The following NAV3 variants were observed in gnomAD, a reference collection of about 807,000 sequenced individuals.
NAV3 encodes the protein neuron navigator 3, also known as pore membrane and/or filament interacting like protein 1.
A neutral mutation model predicts 244.7 loss-of-function variants in NAV3; 87 were observed. That is an observed-to-expected ratio of 0.36 (90% confidence interval 0.30 to 0.42). NAV3 has a LOEUF of 0.42. NAV3 is among the 20% of genes least tolerant of loss of function. The pLI is 1.00. For missense variants in NAV3, 2,663 were observed against 2,893.3 expected (o/e 0.92, Z 1.83); for synonymous variants, 1,126 against 1,042.2 (o/e 1.08, Z -1.55).
chr12:77,615,255 A>G lies in NAV3; in HGVS notation c.72+42989A>G, dbSNP rs1322750562. Among the ~76,000 whole-genome samples the G allele has an allele frequency of 3.9e-5, 6 of 152,180 alleles. No individual in the cohort carries two copies. In the East Asian group the frequency reaches 1.2e-3, roughly 29 times the overall value. On this transcript the variant is annotated intron_variant, in intron 2 of 8. Transcript: ENST00000550042. ...TTTTAATGAAGTATTTATTTTATTTATTTATTTTTTTGGGTTCGGGAGTAC... is the reference window on the plus strand; with the variant it reads ...TTTTAATGAAGTATTTATTTTATTTGTTTATTTTTTTGGGTTCGGGAGTAC...
chr12:77,911,485 G>T (rs1473041369), intron 1 of NAV3, among the ~76,000 whole-genome samples: 1 of 152,006 alleles, frequency 6.6e-6, no homozygotes. Context: ...GGAGTATTTT[G>T]GTTTATTGTC....
chr12:77,994,933 T>G, intron 6 of NAV3, 62 bp downstream of exon 6: 1 of 1,234,536 alleles, frequency 8.1e-7, no homozygotes, highest in Non-Finnish European at 1.2e-6. Flanking sequence ...CCCAGTGATA[T>G]TTTGTCCTAT....
chr12:77,927,874 G>C (rs1276226046), intron 1 of NAV3, among the ~76,000 whole-genome samples: 1 of 152,088 alleles, frequency 6.6e-6, no homozygotes, highest in African/African-American at 2.4e-5. Flanking sequence ...TTGATTGACT[G>C]TCTGTATTGA....
intron 3 of NAV3, chr12:77,950,434 T>C (rs1890760867): frequency 6.6e-6 from 1 of 152,174 alleles, no homozygotes; most frequent in African/African-American, 2.4e-5. Context: ...TCTTTTCATA[T>C]GCTTATATGT....
chr12:77,967,361 C>G (rs1327173162), intron 4 of NAV3, among the ~76,000 whole-genome samples: 1 of 152,044 alleles, frequency 6.6e-6, no homozygotes, highest in African/African-American at 2.4e-5. Context: ...AAAATTAACA[C>G]TCTCTCACTG....
chr12:77,578,383 A>G (rs1315877746), intron 2 of NAV3, among the ~76,000 whole-genome samples: 1 of 152,120 alleles, frequency 6.6e-6, no homozygotes, highest in Non-Finnish European at 1.5e-5. Context: ...GTTACTCACC[A>G]TTGTGATGTG....
intron 5 of NAV3, among the ~76,000 whole-genome samples, chr12:77,981,385 A>G (rs1311100025): frequency 6.6e-6 from 1 of 152,142 alleles, no homozygotes; most frequent in African/African-American, 2.4e-5. Context: ...TTTATACTAA[A>G]GAAAGAATTT....
At chr12:78,008,868 A>G (rs1874717364) in intron 8 of NAV3, among the ~76,000 whole-genome samples, 1 of 152,190 alleles carries the variant, frequency 6.6e-6, no homozygotes, top group Non-Finnish European at 1.5e-5. Flanking sequence ...TCCCTGTTTG[A>G]CAAAGCAGAA....
chr12:78,028,708 T>G (rs763885811), intron 9 of NAV3, among the ~76,000 whole-genome samples: 2 of 152,216 alleles, frequency 1.3e-5, no homozygotes, highest in Admixed American at 1.3e-4. Flanking sequence ...TCTGTTGGTT[T>G]TGCAAACATT....
intron 12 of NAV3, among the ~76,000 whole-genome samples, chr12:78,096,897 T>C (rs1005042362): frequency 2.6e-5 from 4 of 152,310 alleles, no homozygotes; most frequent in Non-Finnish European, 4.4e-5. Context: ...CTCAGTGACC[T>C]CTCTCTGCCT....
Position 78,125,380 on chromosome 12 carries a change from A to C in NAV3, c.4239-1787A>C, listed in dbSNP as rs55796524. Among the ~76,000 whole-genome samples, 418 of 139,932 alleles carry C rather than the reference A, an allele frequency of 3.0e-3. 3 individuals carry two copies. Among genetic ancestry groups the C allele is most frequent in the African/African-American group, 0.01 (396 of 39,242 alleles). 91.8% of individuals were successfully genotyped at this position (139,932 alleles called of 152,430 possible). On this transcript the variant is annotated intron_variant, in intron 16 of 39. Coordinates refer to ENST00000397909, the MANE Select transcript of NAV3 (RefSeq NM_001024383.2). The stretch of plus-strand genomic sequence containing the variant: ...AAATTCCTCTTCATTAAATTAAATA[A>C]AATAATAAAATACACTTTTTAACAG...
chr12:77,667,687 C>T (rs1873779615), intron 2 of NAV3, among the ~76,000 whole-genome samples: 1 of 152,072 alleles, frequency 6.6e-6, no homozygotes, highest in Non-Finnish European at 1.5e-5. Flanking sequence ...TAGCTGAAGA[C>T]AAAGGATATA....
chr12:77,862,281 A>C (rs888032853), intron 1 of NAV3, among the ~76,000 whole-genome samples: 1 of 151,844 alleles, frequency 6.6e-6, no homozygotes, highest in Non-Finnish European at 1.5e-5. Flanking sequence ...GCAGTTAATC[A>C]GCTAATTCAA....
chr12:77,895,786 C>T (rs1884540031), intron 1 of NAV3, among the ~76,000 whole-genome samples: 2 of 141,624 alleles, frequency 1.4e-5, no homozygotes, highest in African/African-American at 2.6e-5. Flanking sequence ...CCCAAATGTT[C>T]CTTTTTAAAC....
intron 2 of NAV3, among the ~76,000 whole-genome samples, chr12:77,587,531 A>G (rs1353202603): frequency 1.3e-5 from 2 of 152,222 alleles, no homozygotes; most frequent in Non-Finnish European, 2.9e-5. Flanking sequence ...TAGAACAAGT[A>G]AAATGTTAAT....
At chr12:77,634,663 C>T (rs1872074810) in intron 2 of NAV3, among the ~76,000 whole-genome samples, 1 of 151,886 alleles carries the variant, frequency 6.6e-6, no homozygotes, top group Admixed American at 6.6e-5. Context: ...TTTGAAATTT[C>T]CTTAAAAATA....
intron 2 of NAV3, among the ~76,000 whole-genome samples, chr12:77,744,221 T>C (rs1868421105): frequency 6.6e-6 from 1 of 151,948 alleles, no homozygotes; most frequent in South Asian, 2.1e-4. Flanking sequence ...AGGATAGATA[T>C]GTAGATCAAT....
intron 1 of NAV3, among the ~76,000 whole-genome samples, chr12:77,832,076 A>T (rs1487105248): frequency 2.0e-5 from 3 of 152,220 alleles, no homozygotes; most frequent in Admixed American, 6.5e-5. Context: ...TACTTTCAAA[A>T]AGACATTTAT....
At chr12:77,615,651 G>A (rs541506191) in intron 2 of NAV3, among the ~76,000 whole-genome samples, 82 of 152,148 alleles carry the variant, frequency 5.4e-4, no homozygotes, top group African/African-American at 1.8e-3. Context: ...TCCATTATTC[G>A]CTATTGTGAA....
Sources: allele counts gnomAD v4.1 joint callset (sites outside exome capture counted in the v4.1 genomes callset), GRCh38; gene constraint gnomAD v4.1.1; transcripts MANE v1.5; gene names NCBI Gene and HGNC (gene_info 2026-07-23, HGNC 2026-07-21).